SLC12A7: variants seen among roughly 807,000 people sequenced by gnomAD.
SLC12A7 encodes K-Cl cotransporter 4.
A neutral mutation model predicts 120.6 loss-of-function variants in SLC12A7; 100 were observed. The observed-to-expected ratio is 0.83, with a 90% CI of 0.71 to 0.98. The LOEUF is 0.98. Among genes scored for constraint, SLC12A7 ranks in the 50% least tolerant of loss-of-function variants. The pLI, the probability that SLC12A7 is intolerant of heterozygous loss-of-function variation, is 0.00. For missense variants in SLC12A7, 1,373 were observed against 1,548.1 expected (o/e 0.89, Z 1.90); for synonymous variants, 760 against 678.0 (o/e 1.12, Z -1.88).
chr5:1,082,452 T>C (rs1335805851), intron 8 of SLC12A7, among the ~76,000 whole-genome samples: 5 of 129,548 alleles, frequency 3.9e-5, no homozygotes, highest in East Asian at 2.7e-4. Flanking sequence ...CTGGAAAGCC[T>C]GGGCTTCCTC....
chr5:1,051,199 G>A lies in SLC12A7; in HGVS notation c.*1161C>T, dbSNP rs748316004. On this transcript the variant is annotated 3_prime_UTR_variant, in exon 24 of 24. Coordinates refer to ENST00000264930, the MANE Select transcript of SLC12A7 (RefSeq NM_006598.3). ...TGAAAGCTATCTCTTCAGTGCCACC[G>A]CCGCCTCCATGCAAGGCACAGGCCA... 21 of 346,370 alleles carry A rather than the reference G, an allele frequency of 6.1e-5. No homozygotes were observed. The highest frequency in any genetic ancestry group is 1.9e-4 in the Admixed American group (4 of 20,798). The allele number at this position is 346,370 out of a possible 1,614,324, so 21.5% of individuals were successfully genotyped here.
rs763512888 is a variant in SLC12A7, at chr5:1,073,597, GA to G, written c.2241+35del. 8.3e-6 allele frequency: 13 copies of G among 1,573,514 alleles called. No individual in the cohort carries two copies. In the East Asian group the frequency reaches 3.1e-4, roughly 37 times the overall value. ...CACGTTTCCTGTGCAGCTGGGGTGG[GA>G]AAGAGGCCTGGCCCCCAGACCCCGC... On this transcript the variant is annotated intron_variant, in intron 17 of 23. Coordinates refer to ENST00000264930, the MANE Select transcript of SLC12A7 (RefSeq NM_006598.3).
At chr5:1,070,930 CG>C (rs1200556799) in intron 17 of SLC12A7, among the ~76,000 whole-genome samples, 1 of 1,330 alleles carries the variant, frequency 7.5e-4, no homozygotes, top group African/African-American at 5.2e-3. Context: ...CCCCAGCACA[CG>C]GGTATCACAC....
chr5:1,101,123 C>A (rs575663633), intron 1 of SLC12A7, among the ~76,000 whole-genome samples: 1 of 152,202 alleles, frequency 6.6e-6, no homozygotes, highest in African/African-American at 2.4e-5. Flanking sequence ...TGTTTCAGCG[C>A]CCTCTCCCCA....
chr5:1,119,952 AT>A, the SLC12A7 span, among the ~76,000 whole-genome samples: 11 of 152,344 alleles, frequency 7.2e-5, no homozygotes, highest in South Asian at 2.3e-3. Flanking sequence ...AGGTGTCACC[AT>A]GGCCCAGGCA....
At chr5:1,116,700 T>C (rs1743338554), upstream of SLC12A7, among the ~76,000 whole-genome samples, 1 of 152,168 alleles carries the variant, frequency 6.6e-6, no homozygotes, top group African/African-American at 2.4e-5. Flanking sequence ...ACTCACATAA[T>C]GTTACTCAGA....
chr5:1,138,446 C>T, the SLC12A7 span, among the ~76,000 whole-genome samples: 1 of 152,192 alleles, frequency 6.6e-6, no homozygotes, highest in Non-Finnish European at 1.5e-5. Flanking sequence ...GGTGTGTTTA[C>T]AATCCTTTAG....
At chr5:1,069,590 G>C (rs566028472) in intron 17 of SLC12A7, among the ~76,000 whole-genome samples, 2 of 152,344 alleles carry the variant, frequency 1.3e-5, no homozygotes, top group South Asian at 4.1e-4. Context: ...CACATGAGGG[G>C]GAAGGAGGAG....
At chr5:1,113,545 G>A (rs1228940058), upstream of SLC12A7, among the ~76,000 whole-genome samples, 1 of 152,164 alleles carries the variant, frequency 6.6e-6, no homozygotes, top group African/African-American at 2.4e-5. Flanking sequence ...CAGAGGTGGG[G>A]GTTCCTCTGG....
At position 1,056,274 on chromosome 5, in the gene SLC12A7, C is replaced by T. The variant is rs568406427; in HGVS notation, c.3026+1197G>A. On this transcript the variant is annotated intron_variant, in intron 22 of 23. Transcript: ENST00000264930. Reference sequence around the variant, plus strand: ...TCACTGACGGGCCCTGCGAGGCGCACGCCTCCCCTCCACTCCGGAGCGGCT... The same window carrying T: ...TCACTGACGGGCCCTGCGAGGCGCATGCCTCCCCTCCACTCCGGAGCGGCT... Among the ~76,000 whole-genome samples, 6 of 152,304 alleles carry T rather than the reference C, an allele frequency of 3.9e-5. No homozygotes were observed. The East Asian group carries it at 7.7e-4, about 20-fold the overall frequency.
chr5:1,057,610 C>T lies in SLC12A7; in HGVS notation c.2887G>A (p.Ala963Thr), dbSNP rs546845844. 1.5e-5 allele frequency: 24 copies of T among 1,606,010 alleles called. No individual in the cohort carries two copies. The highest frequency in any genetic ancestry group is 1.6e-4 in the Middle Eastern group (1 of 6,064). Reference sequence around the variant, plus strand: ...GGCGCTTGGGTCCTGGCTGCCGCCGCGGTGTGGGACGCGGTGTTCCTGTCG... The same window carrying T: ...GGCGCTTGGGTCCTGGCTGCCGCCGTGGTGTGGGACGCGGTGTTCCTGTCG... ...IHDRNTASHT[A>T]AAARTQAPPT... The change falls in exon 22 of 24, where the codon GCG becomes ACG. Residue 963 changes from alanine (A) to threonine (T), a missense_variant. Transcript: ENST00000264930.
At chr5:1,061,862 T>G (rs1241958127) in intron 20 of SLC12A7, among the ~76,000 whole-genome samples, 2 of 151,926 alleles carry the variant, frequency 1.3e-5, no homozygotes, top group Middle Eastern at 7.0e-3. Context: ...CTCAGGAGGC[T>G]GAGGCAGGAG....
At chr5:1,096,797 GAGGGAGGGAAGGAAGGAGGGA>G (rs1333012832) in intron 1 of SLC12A7, among the ~76,000 whole-genome samples, 3 of 53,188 alleles carry the variant, frequency 5.6e-5, no homozygotes, top group African/African-American at 1.2e-4. Context: ...GGGAAGGAAG[GAGGGAGGGAAGGAAGGAGGGA>G]AGGGAGGGAA....
chr5:1,091,431 C>T (rs542178204), intron 3 of SLC12A7, among the ~76,000 whole-genome samples: 1 of 152,260 alleles, frequency 6.6e-6, no homozygotes, highest in South Asian at 2.1e-4. Context: ...AAAGCCTGTT[C>T]CCGGAGCACT....
At chr5:1,120,266 A>C in the SLC12A7 span, among the ~76,000 whole-genome samples, 1 of 152,172 alleles carries the variant, frequency 6.6e-6, no homozygotes, top group African/African-American at 2.4e-5. Context: ...GCAGGGGAGC[A>C]AGCCCGGGTG....
chr5:1,066,520 G>A lies in SLC12A7; in HGVS notation c.2242-1042C>T, dbSNP rs144532514. On this transcript the variant is annotated intron_variant, in intron 17 of 23. Coordinates refer to ENST00000264930, the MANE Select transcript of SLC12A7 (RefSeq NM_006598.3). ...GCCGAGAGCTCAATTGCAGTGGGTT[G>A]AATAGTGCCCCCAAAAAAGAGGATA... 5.0e-3 allele frequency among the ~76,000 whole-genome samples: 764 copies of A among 152,288 alleles called. 36 individuals are homozygous for A. The highest frequency in any genetic ancestry group is 0.042 in the Admixed American group (646 of 15,298).
intron 5 of SLC12A7, among the ~76,000 whole-genome samples, chr5:1,087,281 G>T (rs139497682): frequency 6.6e-6 from 1 of 152,202 alleles, no homozygotes; most frequent in African/African-American, 2.4e-5. Flanking sequence ...TGAGATCAGG[G>T]ATAAGGCTCT....
At chr5:1,135,718 C>T in the SLC12A7 span, among the ~76,000 whole-genome samples, 2 of 152,252 alleles carry the variant, frequency 1.3e-5, no homozygotes, top group Admixed American at 6.5e-5. Flanking sequence ...GAAAGACAAA[C>T]ATCCCATTCA....
the SLC12A7 span, among the ~76,000 whole-genome samples, chr5:1,125,268 AGTGTGTGTGTGT>A: frequency 1.0e-4 from 15 of 150,480 alleles, no homozygotes; most frequent in East Asian, 5.9e-4. Flanking sequence ...TTTAAACGAA[AGTGTGTGTGTGT>A]GTGTGTGTGT....
Sources: gnomAD v4.1 joint callset for allele counts (sites outside exome capture counted in the v4.1 genomes callset) on GRCh38, gnomAD v4.1.1 for gene constraint, MANE v1.5 for transcripts, NCBI Gene and HGNC (gene_info 2026-07-23, HGNC 2026-07-21) for gene names.